MRPS27: variants seen among roughly 807,000 people sequenced by gnomAD.
The protein encoded by MRPS27 is mitochondrial ribosomal protein S27.
MRPS27 carries 43 observed loss-of-function variants against 48.9 expected under a neutral mutation model. The ratio of observed to expected loss-of-function variants is 0.88; its 90% CI spans 0.69 to 1.13. The LOEUF is 1.13. MRPS27 is among the 50% of genes most tolerant of loss of function. The pLI, the probability that MRPS27 is intolerant of heterozygous loss-of-function variation, is 0.00. For missense variants in MRPS27, 467 were observed against 476.3 expected (o/e 0.98, Z 0.18); for synonymous variants, 188 against 171.9 (o/e 1.09, Z -0.73).
At chr5:72,271,387 C>G (rs1210110623) in intron 4 of MRPS27, among the ~76,000 whole-genome samples, 6 of 152,098 alleles carry the variant, frequency 3.9e-5, no homozygotes. Flanking sequence ...ATCAATATAA[C>G]ATACTTTAAA....
chr5:72,249,555 C>T (rs886169595), intron 4 of MRPS27, among the ~76,000 whole-genome samples: 1 of 151,844 alleles, frequency 6.6e-6, no homozygotes, highest in African/African-American at 2.4e-5. Flanking sequence ...CGCAGCAGCA[C>T]GTGCCTGTAA....
chr5:72,281,306 A>C (rs1357844178), intron 4 of MRPS27, among the ~76,000 whole-genome samples: 6 of 152,202 alleles, frequency 3.9e-5, no homozygotes, highest in African/African-American at 1.2e-4. Context: ...ACCCTAAAGC[A>C]CAGGCACTAT....
rs534102177 is a variant in MRPS27 at position 72,292,157 on chromosome 5, A to ATCACTT, written c.281+3368_281+3373dup. ...TTGTTTTAACTTTGTTGCTATTTTA[A>ATCACTT]TCACTTTTACTCTTGGTTTATTTTC... On this transcript the variant is annotated intron_variant, in intron 4 of 10. Coordinates refer to ENST00000261413, the MANE Select transcript of MRPS27 (RefSeq NM_015084.3). Among the ~76,000 whole-genome samples, 899 of 139,774 alleles carry ATCACTT rather than the reference A, an allele frequency of 6.4e-3. 5 individuals carry two copies. Among genetic ancestry groups the ATCACTT allele is most frequent in the African/African-American group, 0.023 (864 of 37,814 alleles). The allele number at this position is 139,774 out of a possible 152,430, so 91.7% of individuals were successfully genotyped here. A position where few individuals can be genotyped will look rare whatever the true frequency, so the allele number is the denominator to read the frequency against.
intron 2 of MRPS27, among the ~76,000 whole-genome samples, chr5:72,311,688 GCC>G (rs1412781365): frequency 6.6e-6 from 1 of 152,188 alleles, no homozygotes; most frequent in East Asian, 1.9e-4. Flanking sequence ...CTCACCAGAT[GCC>G]ACCCCTCAAC....
At chr5:72,253,742 G>A (rs1748724382) in intron 4 of MRPS27, among the ~76,000 whole-genome samples, 4 of 152,280 alleles carry the variant, frequency 2.6e-5, no homozygotes, top group South Asian at 4.1e-4. Context: ...TAAGGTCCCT[G>A]TATATGGATG....
At chr5:72,279,578 G>A (rs891597160) in intron 4 of MRPS27, among the ~76,000 whole-genome samples, 3 of 152,030 alleles carry the variant, frequency 2.0e-5, no homozygotes, top group Non-Finnish European at 4.4e-5. Context: ...GCAACACAGC[G>A]AGACCCTGTC....
intron 2 of MRPS27, among the ~76,000 whole-genome samples, chr5:72,306,074 T>A (rs188369337): frequency 6.6e-6 from 1 of 152,230 alleles, no homozygotes; most frequent in Non-Finnish European, 1.5e-5. Flanking sequence ...AATGTCTCAA[T>A]TATTTAAATC....
chr5:72,275,257 T>C (rs1424440649), intron 4 of MRPS27, among the ~76,000 whole-genome samples: 2 of 151,970 alleles, frequency 1.3e-5, no homozygotes, highest in African/African-American at 4.8e-5. Flanking sequence ...GAGAGCCAAA[T>C]CATGAGTGAA....
chr5:72,281,356 TTCGACA>T (rs1749529259), intron 4 of MRPS27, among the ~76,000 whole-genome samples: 1 of 152,194 alleles, frequency 6.6e-6, no homozygotes, highest in Non-Finnish European at 1.5e-5. Context: ...GGATGGCACA[TTCGACA>T]TTCAAATCCA....
intron 7 of MRPS27, chr5:72,228,966 G>A (rs1747975948): frequency 6.6e-6 from 1 of 152,176 alleles, no homozygotes. Context: ...ACGCTTTAAT[G>A]AAAATGAAGT....
At chr5:72,271,100 C>A (rs970319962) in intron 4 of MRPS27, among the ~76,000 whole-genome samples, 13 of 152,172 alleles carry the variant, frequency 8.5e-5, no homozygotes, top group African/African-American at 2.9e-4. Context: ...TCTGCTCCCA[C>A]TACTTCTATT....
chr5:72,296,805 G>C (rs980893965), intron 3 of MRPS27, among the ~76,000 whole-genome samples: 74 of 151,296 alleles, frequency 4.9e-4, no homozygotes, highest in African/African-American at 1.7e-3. Flanking sequence ...ATTTTATGGT[G>C]CCATTAATTT....
chr5:72,229,418 G>C (rs1426636136), intron 7 of MRPS27: 1 of 150,830 alleles, frequency 6.6e-6, no homozygotes, highest in Admixed American at 6.6e-5. Flanking sequence ...GAAAAACAAC[G>C]CCCCCCCCCA....
intron 10 of MRPS27, among the ~76,000 whole-genome samples, chr5:72,223,125 A>T (rs1258041112): frequency 6.6e-6 from 1 of 152,240 alleles, no homozygotes; most frequent in African/African-American, 2.4e-5. Context: ...GTACAGAGTT[A>T]GAAGCTACCA....
intron 9 of MRPS27, among the ~76,000 whole-genome samples, chr5:72,225,691 C>T (rs574299007): frequency 6.6e-6 from 1 of 152,200 alleles, no homozygotes; most frequent in East Asian, 1.9e-4. Flanking sequence ...GGGAAAGATG[C>T]TATGTAGCCT....
chr5:72,307,455 T>C (rs894972554), intron 2 of MRPS27, among the ~76,000 whole-genome samples: 4 of 152,238 alleles, frequency 2.6e-5, no homozygotes, highest in African/African-American at 9.6e-5. Context: ...GATAATGGTA[T>C]TGAAAAGCAC....
At chr5:72,307,073 G>A (rs1252628010) in intron 2 of MRPS27, among the ~76,000 whole-genome samples, 1 of 152,114 alleles carries the variant, frequency 6.6e-6, no homozygotes, top group African/African-American at 2.4e-5. Context: ...GGATACCTGA[G>A]CCAGGAGCGG....
intron 4 of MRPS27, among the ~76,000 whole-genome samples, chr5:72,245,995 A>C (rs1425780565): frequency 6.6e-6 from 1 of 152,212 alleles, no homozygotes; most frequent in African/African-American, 2.4e-5. Flanking sequence ...GATACAATCC[A>C]ATTCATAGCT....
chr5:72,223,553 TG>T, intron 10 of MRPS27, 129 bp downstream of exon 10: 6 of 1,138,338 alleles, frequency 5.3e-6, no homozygotes, highest in Non-Finnish European at 7.5e-6. Flanking sequence ...GCAATAAAAA[TG>T]TAATTTTTGA....
Sources: gnomAD v4.1 joint callset for allele counts (sites outside exome capture counted in the v4.1 genomes callset) on GRCh38, gnomAD v4.1.1 for gene constraint, MANE v1.5 for transcripts, NCBI Gene and HGNC (gene_info 2026-07-23, HGNC 2026-07-21) for gene names.